The following RELN variants were observed in gnomAD, a reference collection of about 807,000 sequenced individuals.
The protein encoded by RELN is reelin.
A neutral mutation model predicts 427.6 loss-of-function variants in RELN; 108 were observed. That is an observed-to-expected ratio of 0.25 (90% CI 0.22 to 0.30). The LOEUF is 0.30. RELN is among the 10% of genes least tolerant of loss of function. The probability of loss-of-function intolerance (pLI) is 1.00; values close to 1 mark genes in which losing one functional copy is unlikely to be tolerated. For missense variants in RELN, 3,715 were observed against 4,302.8 expected, an observed-to-expected ratio of 0.86 and a Z score of 3.82; for synonymous variants, 1,524 against 1,513.4, an observed-to-expected ratio of 1.01 and a Z score of -0.16.
chr7:103,697,742 A>T, intron 10 of RELN, 111 bp downstream of exon 10: 1 of 1,460,988 alleles, frequency 6.8e-7, no homozygotes, highest in Non-Finnish European at 9.4e-7. Context: ...CTGGTCCTTT[A>T]ATAGTGGTTT....
intron 3 of RELN, among the ~76,000 whole-genome samples, chr7:103,795,038 A>G (rs938005197): frequency 1.3e-5 from 2 of 152,200 alleles, no homozygotes; most frequent in Admixed American, 1.3e-4. Context: ...TTAATTTTCT[A>G]TAATATCCCC....
At chr7:103,718,780 G>A (rs1562970204) in intron 8 of RELN, among the ~76,000 whole-genome samples, 1 of 152,112 alleles carries the variant, frequency 6.6e-6, no homozygotes. Flanking sequence ...AGATTTGTCT[G>A]GCAAGCCAAA....
intron 2 of RELN, among the ~76,000 whole-genome samples, chr7:103,883,993 A>T (rs1484512841): frequency 1.3e-5 from 2 of 152,194 alleles, no homozygotes; most frequent in Non-Finnish European, 2.9e-5. Flanking sequence ...AAGCAAAAAG[A>T]GCAATGCTGG....
intron 4 of RELN, among the ~76,000 whole-genome samples, chr7:103,756,709 A>G (rs1791166014): frequency 6.6e-6 from 1 of 152,182 alleles, no homozygotes; most frequent in African/African-American, 2.4e-5. Context: ...ACCTGGATTT[A>G]ATTTAACTCA....
intron 1 of RELN, among the ~76,000 whole-genome samples, chr7:103,935,427 A>AT (rs796471289): frequency 2.1e-3 from 311 of 145,760 alleles, no homozygotes; most frequent in African/African-American, 5.5e-3. Context: ...CCTCATCCTC[A>AT]TTTTTTTTTT....
chr7:103,502,925 A>G (rs1829083678), intron 52 of RELN, 91 bp downstream of exon 52: 1 of 1,085,104 alleles, frequency 9.2e-7, no homozygotes, highest in African/African-American at 1.5e-5. Flanking sequence ...TTTACCCACA[A>G]ATACACATAA....
Position 103,780,021 on chromosome 7 carries a change from C to T in RELN, c.474-3394G>A, listed in dbSNP as rs113639050. On this transcript the variant is annotated intron_variant, in intron 3 of 64. Transcript: ENST00000428762. The stretch of plus-strand genomic sequence containing the variant: ...GATTACAGGTGTGAGCGACCACACC[C>T]GGCCCAGGGCCTGATCTTTAAAGAA... Among the ~76,000 whole-genome samples, 929 of 152,316 alleles carry T rather than the reference C, an allele frequency of 6.1e-3. 12 individuals carry two copies. The highest frequency in any genetic ancestry group is 0.021 in the African/African-American group (877 of 41,578).
At chr7:103,590,282 G>A (rs1040552943) in intron 27 of RELN, among the ~76,000 whole-genome samples, 3 of 152,212 alleles carry the variant, frequency 2.0e-5, no homozygotes, top group African/African-American at 7.2e-5. Flanking sequence ...AGTGTCAACC[G>A]GCTGGGTGCG....
At chr7:103,744,003 A>G (rs922580754) in intron 6 of RELN, among the ~76,000 whole-genome samples, 1 of 152,192 alleles carries the variant, frequency 6.6e-6, no homozygotes, top group African/African-American at 2.4e-5. Context: ...AATTGACCAC[A>G]TAGTTGGAAG....
chr7:103,541,818 C>T (rs1830182890), intron 43 of RELN, among the ~76,000 whole-genome samples: 1 of 152,036 alleles, frequency 6.6e-6, no homozygotes, highest in Non-Finnish European at 1.5e-5. Context: ...AAACTATATG[C>T]ATTAAAGTGG....
chr7:103,580,384 G>A (rs1156334652), intron 28 of RELN, among the ~76,000 whole-genome samples: 3 of 152,122 alleles, frequency 2.0e-5, no homozygotes, highest in Non-Finnish European at 2.9e-5. Flanking sequence ...TAACCATGAA[G>A]CTGGATTCTA....
At chr7:103,633,524 G>C (rs748754538) in intron 19 of RELN, among the ~76,000 whole-genome samples, 1 of 150,744 alleles carries the variant, frequency 6.6e-6, no homozygotes, top group East Asian at 2.0e-4. Context: ...CCATTACCAC[G>C]TTCTCCTTTT....
At chr7:103,613,145 A>G (rs1831999095) in intron 20 of RELN, among the ~76,000 whole-genome samples, 1 of 152,308 alleles carries the variant, frequency 6.6e-6, no homozygotes, top group Admixed American at 6.5e-5. Context: ...AGGAATAATT[A>G]TTTCTTTTTA....
chr7:103,869,414 G>T (rs942440838), intron 2 of RELN, among the ~76,000 whole-genome samples: 1 of 151,826 alleles, frequency 6.6e-6, no homozygotes, highest in South Asian at 2.1e-4. Context: ...TTATCTAAAA[G>T]AATGTTGTCT....
intron 11 of RELN, among the ~76,000 whole-genome samples, 163 bp from the exon 12 acceptor site, chr7:103,661,690 C>A (rs978355735): frequency 6.6e-6 from 1 of 152,160 alleles, no homozygotes; most frequent in Non-Finnish European, 1.5e-5. Flanking sequence ...ACTTTAAACA[C>A]AAATTTTAGG....
chr7:103,728,724 T>C (rs953910567), intron 6 of RELN, among the ~76,000 whole-genome samples: 4 of 152,150 alleles, frequency 2.6e-5, no homozygotes, highest in Admixed American at 1.3e-4. Flanking sequence ...ATTTTAAACA[T>C]TTTTCTTTGG....
chr7:103,555,821 T>C (rs1385801299), intron 38 of RELN, among the ~76,000 whole-genome samples: 1 of 152,364 alleles, frequency 6.6e-6, no homozygotes, highest in South Asian at 2.1e-4. Flanking sequence ...TGTATACATA[T>C]ATGTTTCACA....
chr7:103,729,106 T>C (rs917286348), intron 6 of RELN, among the ~76,000 whole-genome samples: 1 of 152,154 alleles, frequency 6.6e-6, no homozygotes, highest in African/African-American at 2.4e-5. Flanking sequence ...CCTACAATCA[T>C]TACATTCCTA....
At chr7:103,741,637 G>A (rs1035559793) in intron 6 of RELN, among the ~76,000 whole-genome samples, 16 of 133,872 alleles carry the variant, frequency 1.2e-4, no homozygotes, top group African/African-American at 4.8e-4. Context: ...AGAGGGAACG[G>A]GAGAGGAAGA....
Sources: gnomAD v4.1 joint callset for allele counts (sites outside exome capture counted in the v4.1 genomes callset) on GRCh38, gnomAD v4.1.1 for gene constraint, MANE v1.5 for transcripts, NCBI Gene and HGNC (gene_info 2026-07-23, HGNC 2026-07-21) for gene names.